Variants in PGBD5 observed in about 807,000 individuals in gnomAD.
PGBD5 encodes piggyBac transposable element derived 5.
Under a neutral mutation model 47.9 loss-of-function variants are expected in PGBD5, and 14 were observed. The ratio of observed to expected loss-of-function variants is 0.29; its 90% CI spans 0.19 to 0.46. PGBD5 has a LOEUF of 0.46. Ranked by LOEUF, PGBD5 falls within the 20% of genes least tolerant of loss-of-function variation. PGBD5 has a pLI of 1.00. For synonymous variants in PGBD5, 316 were observed against 306.3 expected (o/e 1.03, Z -0.33); for missense variants, 635 against 716.0 (o/e 0.89, Z 1.29).
chr1:230,386,886 G>A (rs556208954), intron 1 of PGBD5, among the ~76,000 whole-genome samples: 89 of 152,312 alleles, frequency 5.8e-4, no homozygotes, highest in African/African-American at 2.1e-3. Flanking sequence ...AAGGAAGCCT[G>A]AATTAGGGGA....
rs934944187 is a variant in PGBD5, at chr1:230,323,656, G to A, written c.1380-36C>T. The A allele has an allele frequency of 3.2e-6, 5 of 1,580,242 alleles. No homozygotes were observed. The East Asian group carries it at 1.1e-4, about 35-fold the overall frequency. On this transcript the variant is annotated intron_variant, in intron 6 of 6. Coordinates refer to ENST00000391860, the MANE Select transcript of PGBD5 (RefSeq NM_001258311.2). The surrounding 1 kb of genome is among the most constrained non-coding windows in gnomAD (Gnocchi z 4.1). ...AGGGAATAAGAACGGCTGACCCGATGGTTCATGGCACCCGGAGATGCATCC... is the reference window on the plus strand; with the variant it reads ...AGGGAATAAGAACGGCTGACCCGATAGTTCATGGCACCCGGAGATGCATCC...
At chr1:230,364,662 T>A (rs546136180) in intron 1 of PGBD5, among the ~76,000 whole-genome samples, 1 of 152,374 alleles carries the variant, frequency 6.6e-6, no homozygotes, top group South Asian at 2.1e-4. Context: ...AGAATCAGCA[T>A]CTGAGCTGAA....
intron 1 of PGBD5, among the ~76,000 whole-genome samples, chr1:230,406,586 G>A (rs1434103503): frequency 6.6e-6 from 1 of 152,060 alleles, no homozygotes; most frequent in African/African-American, 2.4e-5. Flanking sequence ...ATACAAGACA[G>A]AACAACAGAG....
At position 230,323,316 on chromosome 1, in the gene PGBD5, G is replaced by T; in HGVS notation, c.*109C>A. The T allele has an allele frequency of 7.6e-7, 1 of 1,316,778 alleles. No individual in the cohort carries two copies. The highest frequency in any genetic ancestry group is 1.0e-6 in the Non-Finnish European group (1 of 965,482). The allele number at this position is 1,316,778 out of a possible 1,614,324, so 81.6% of individuals were successfully genotyped here. On this transcript the variant is annotated 3_prime_UTR_variant, in exon 7 of 7. Transcript: ENST00000391860. This position sits in a 1 kb window ranked among gnomAD's most constrained non-coding sequence, Gnocchi z 4.1. ...CAGAGGCCCTGTGCATCCCTCCCAG[G>T]CAGCAAGCCACACACCAGGCCGTGT...
intron 1 of PGBD5, among the ~76,000 whole-genome samples, chr1:230,422,111 C>A (rs889307056): frequency 6.6e-6 from 1 of 151,988 alleles, no homozygotes; most frequent in African/African-American, 2.4e-5. Context: ...TACACACACA[C>A]AAATATATAT....
At chr1:230,362,522 G>T (rs6661732) in intron 1 of PGBD5, 81,244 of 1,143,520 alleles carry the variant, frequency 0.071, 5,146 homozygotes, top group African/African-American at 0.33. Flanking sequence ...ACCTTCTGGG[G>T]GAACCTCCTG....
chr1:230,420,860 A>C (rs1033705096), intron 1 of PGBD5, among the ~76,000 whole-genome samples: 2 of 152,228 alleles, frequency 1.3e-5, no homozygotes, highest in African/African-American at 2.4e-5. Flanking sequence ...TTAATAAGAA[A>C]AAAACATACA....
At chr1:230,336,957 G>A in intron 4 of PGBD5, 151 bp downstream of exon 4, 1 of 845,914 alleles carries the variant, frequency 1.2e-6, no homozygotes, top group Non-Finnish European at 1.8e-6. Flanking sequence ...GGGTGGCTGA[G>A]ACGCATCTGT....
intron 1 of PGBD5, among the ~76,000 whole-genome samples, chr1:230,392,765 C>T (rs1352860970): frequency 1.3e-5 from 2 of 152,176 alleles, no homozygotes; most frequent in Non-Finnish European, 2.9e-5. Context: ...GATACAAGCC[C>T]CACAGTGCTT....
At chr1:230,349,076 A>G (rs1667521841) in intron 3 of PGBD5, among the ~76,000 whole-genome samples, 1 of 152,252 alleles carries the variant, frequency 6.6e-6, no homozygotes, top group African/African-American at 2.4e-5. Flanking sequence ...TGGATTTTAC[A>G]GATTTTATAA....
At chr1:230,363,217 A>T (rs541627899) in intron 1 of PGBD5, among the ~76,000 whole-genome samples, 1 of 152,300 alleles carries the variant, frequency 6.6e-6, no homozygotes, top group East Asian at 1.9e-4. Context: ...CTCTGCCTTC[A>T]TTCAGATCTG....
At position 230,325,313 on chromosome 1, in the gene PGBD5, C is replaced by T. The variant is rs769803757; in HGVS notation, c.1376G>A (p.Ser459Asn). 1.9e-6 allele frequency: 3 copies of T among 1,611,482 alleles called. No homozygotes were observed. Among genetic ancestry groups the T allele is most frequent in the Admixed American group, 1.7e-5 (1 of 59,730 alleles). ...ATGGAGGTGCCCAGCCACTTACTTG[C>T]TGTATTTGTCATCGTATCTGCAGAT... is the stretch of plus-strand genomic sequence containing the variant. ...SYICRYDDKY[S>N]KYFISHKPNK... Residue 459 changes from serine (S) to asparagine (N), a missense_variant, in exon 6 of 7, where the codon AGC becomes AAC. Transcript: ENST00000391860.
chr1:230,393,930 A>G (rs1178650786), intron 1 of PGBD5, among the ~76,000 whole-genome samples: 2 of 151,988 alleles, frequency 1.3e-5, no homozygotes, highest in Non-Finnish European at 2.9e-5. Flanking sequence ...CCCGCCCTAG[A>G]GTCCGCCACA....
intron 1 of PGBD5, among the ~76,000 whole-genome samples, chr1:230,365,565 C>T (rs1667815535): frequency 6.6e-6 from 1 of 152,208 alleles, no homozygotes; most frequent in Admixed American, 6.5e-5. Flanking sequence ...CAAGTGCCTT[C>T]CACCTGCAGA....
In PGBD5 at chr1:230,337,346, G is replaced by A. The variant is rs116756434; in HGVS notation, c.895-58C>T. The A allele has an allele frequency of 4.7e-4, 687 of 1,472,604 alleles. 3 individuals carry two copies. The African/African-American group carries it at 8.5e-3, about 18-fold the overall frequency. 91.2% of individuals were successfully genotyped at this position (1,472,604 alleles called of 1,614,324 possible). On this transcript the variant is annotated intron_variant, in intron 3 of 6. Coordinates refer to ENST00000391860, the MANE Select transcript of PGBD5 (RefSeq NM_001258311.2). ...CACAGCAGTGTCAGGCTGGGAGCCC[G>A]AGTATTCAGCAAGCACAGATCTCAT...
At chr1:230,368,162 G>A (rs781669483) in intron 1 of PGBD5, 47 of 1,365,940 alleles carry the variant, frequency 3.4e-5, no homozygotes, top group Non-Finnish European at 7.8e-6. Flanking sequence ...GGAGGAATAA[G>A]GTGGAGGAGA....
chr1:230,356,793 G>A (rs1667652381), intron 2 of PGBD5, 101 bp downstream of exon 2: 1 of 1,280,670 alleles, frequency 7.8e-7, no homozygotes, highest in Non-Finnish European at 1.1e-6. Flanking sequence ...TCAGAGGGCA[G>A]GCAGGGCAGG....
rs777754434 is a variant in PGBD5, at chr1:230,331,134, T to G, written c.1273+1710A>C. Among the ~76,000 whole-genome samples, 147 of 152,266 alleles carry G rather than the reference T, an allele frequency of 9.7e-4. 1 individual carries two copies. Among genetic ancestry groups the G allele is most frequent in the Non-Finnish European group, 1.5e-3 (99 of 68,012 alleles). ...ATCACTTAAAATAATTTGGTGGGGC[T>G]GGGCATGGTGGCTCATGCCTGTACA... On this transcript the variant is annotated intron_variant, in intron 5 of 6. Coordinates refer to ENST00000391860, the MANE Select transcript of PGBD5 (RefSeq NM_001258311.2).
At chr1:230,381,178 G>A (rs1656480034) in intron 1 of PGBD5, among the ~76,000 whole-genome samples, 1 of 152,230 alleles carries the variant, frequency 6.6e-6, no homozygotes, top group Non-Finnish European at 1.5e-5. Flanking sequence ...AAATTTACCT[G>A]GACTATAAAG....
Sources: gnomAD v4.1 joint callset for allele counts (sites outside exome capture counted in the v4.1 genomes callset) on GRCh38, gnomAD v4.1.1 for gene constraint, Gnocchi (gnomAD v3.1) non-coding constraint, MANE v1.5 for transcripts, NCBI Gene and HGNC (gene_info 2026-07-23, HGNC 2026-07-21) for gene names.